The following SNTB1 variants were observed in gnomAD, a reference collection of about 807,000 sequenced individuals.
SNTB1 encodes the protein beta-1-syntrophin.
Under a neutral mutation model 48.9 loss-of-function variants are expected in SNTB1, and 36 were observed. The observed-to-expected ratio is 0.74, with a 90% confidence interval of 0.56 to 0.97. The LOEUF (loss-of-function observed/expected upper bound fraction) is 0.97, where lower values mean the gene tolerates loss of function less well. SNTB1 is among the 50% of genes least tolerant of loss of function. SNTB1 has a pLI of 0.00. For missense variants in SNTB1, 786 were observed against 703.4 expected (o/e 1.12, Z -1.33); for synonymous variants, 299 against 294.6 (o/e 1.01, Z -0.15).
chr8:120,587,565 A>G (rs1325221014), intron 3 of SNTB1, among the ~76,000 whole-genome samples: 1 of 152,206 alleles, frequency 6.6e-6, no homozygotes, highest in East Asian at 1.9e-4. Flanking sequence ...AGTGGTGTTC[A>G]ACAGATTCTT....
intron 1 of SNTB1, among the ~76,000 whole-genome samples, chr8:120,724,827 G>T (rs993897546): frequency 1.3e-5 from 2 of 152,164 alleles, no homozygotes; most frequent in Admixed American, 1.3e-4. Context: ...ACTTAGAGGG[G>T]CCATGGAAGA....
chr8:120,664,240 A>G (rs915822455), intron 2 of SNTB1, among the ~76,000 whole-genome samples: 1 of 152,208 alleles, frequency 6.6e-6, no homozygotes, highest in African/African-American at 2.4e-5. Flanking sequence ...CAGGTGGAGA[A>G]TGAAGAGTGG....
intron 1 of SNTB1, among the ~76,000 whole-genome samples, chr8:120,724,674 A>G (rs1174216160): frequency 6.6e-6 from 1 of 152,196 alleles, no homozygotes; most frequent in African/African-American, 2.4e-5. Context: ...TGAAATGGAA[A>G]GCCAGATAAG....
intron 1 of SNTB1, among the ~76,000 whole-genome samples, chr8:120,711,822 T>C (rs551622339): frequency 1.3e-5 from 2 of 152,310 alleles, no homozygotes; most frequent in East Asian, 3.9e-4. Context: ...AAACAAACTT[T>C]TATCTTTAGA....
intron 1 of SNTB1, among the ~76,000 whole-genome samples, chr8:120,760,034 A>G (rs1219395258): frequency 6.6e-6 from 1 of 152,198 alleles, no homozygotes; most frequent in Non-Finnish European, 1.5e-5. Flanking sequence ...CAAATACTCA[A>G]TCTGCCATAG....
chr8:120,676,819 G>A (rs1285739234), intron 2 of SNTB1, among the ~76,000 whole-genome samples: 1 of 152,170 alleles, frequency 6.6e-6, no homozygotes, highest in Admixed American at 6.5e-5. Context: ...ATTTTGGGAG[G>A]CTGAGGTAGG....
intron 1 of SNTB1, among the ~76,000 whole-genome samples, chr8:120,722,919 A>G (rs1235651042): frequency 6.6e-6 from 1 of 152,202 alleles, no homozygotes; most frequent in East Asian, 1.9e-4. Context: ...TAATTTTTGT[A>G]TAAGGTGTAA....
At chr8:120,781,627 C>T (rs568255019) in intron 1 of SNTB1, among the ~76,000 whole-genome samples, 6 of 152,280 alleles carry the variant, frequency 3.9e-5, no homozygotes, top group African/African-American at 7.2e-5. Context: ...CCCAGCATTC[C>T]TACTAGGTCT....
intron 1 of SNTB1, among the ~76,000 whole-genome samples, chr8:120,784,805 G>C (rs116682340): frequency 0.026 from 3,915 of 152,258 alleles, 178 homozygotes; most frequent in African/African-American, 0.09. Flanking sequence ...AAGAAAAACG[G>C]AAAGAAATTG....
chr8:120,772,493 C>T (rs1168061727), intron 1 of SNTB1, among the ~76,000 whole-genome samples: 1 of 152,154 alleles, frequency 6.6e-6, no homozygotes, highest in African/African-American at 2.4e-5. Flanking sequence ...GTGATCCACC[C>T]ACCTAGGCCT....
intron 4 of SNTB1, among the ~76,000 whole-genome samples, chr8:120,571,792 C>T (rs566554803): frequency 1.3e-5 from 2 of 152,130 alleles, no homozygotes; most frequent in Non-Finnish European, 2.9e-5. Flanking sequence ...AGCCAGCATA[C>T]CCGGCCATGA....
intron 2 of SNTB1, among the ~76,000 whole-genome samples, chr8:120,653,965 G>A (rs749555361): frequency 2.1e-5 from 3 of 141,368 alleles, no homozygotes; most frequent in Admixed American, 7.8e-5. Context: ...GCGTGAACCC[G>A]GAAAGCGGAG....
chr8:120,716,139 T>TAAC (rs1325017563), intron 1 of SNTB1, among the ~76,000 whole-genome samples: 1 of 152,204 alleles, frequency 6.6e-6, no homozygotes, highest in African/African-American at 2.4e-5. Flanking sequence ...GAGCCCATAG[T>TAAC]TGGTAGTCAA....
chr8:120,712,575 T>A (rs147326326), intron 1 of SNTB1, among the ~76,000 whole-genome samples: 1 of 152,166 alleles, frequency 6.6e-6, no homozygotes, highest in Non-Finnish European at 1.5e-5. Context: ...TATATGATGA[T>A]AAATTAATTA....
chr8:120,688,070 C>T (rs1049496997), intron 2 of SNTB1, among the ~76,000 whole-genome samples: 68 of 152,310 alleles, frequency 4.5e-4, no homozygotes, highest in African/African-American at 1.6e-3. Context: ...GAAACCAAGA[C>T]AGCACTTTCT....
intron 3 of SNTB1, among the ~76,000 whole-genome samples, chr8:120,614,955 A>G (rs1162440050): frequency 1.4e-5 from 2 of 138,194 alleles, no homozygotes; most frequent in Non-Finnish European, 3.0e-5. Context: ...CCTGGCCAAC[A>G]TGGTGAAATC....
Position 120,546,313 on chromosome 8 carries a change from A to G in SNTB1, c.1333+2449T>C, listed in dbSNP as rs578170042. ...TGTCTTAGATTTCAGGATCAAGAACAATAACATTACAGACATTGTTAATTG... is the reference window on the plus strand; with the variant it reads ...TGTCTTAGATTTCAGGATCAAGAACGATAACATTACAGACATTGTTAATTG... On this transcript the variant is annotated intron_variant, in intron 5 of 6. Coordinates refer to ENST00000517992, the MANE Select transcript of SNTB1 (RefSeq NM_021021.4). 4.0e-4 allele frequency among the ~76,000 whole-genome samples: 61 copies of G among 152,318 alleles called. 2 individuals are homozygous for G. In the South Asian group the frequency reaches 0.012, roughly 30 times the overall value.
At chr8:120,712,192 T>A (rs2129920782) in intron 1 of SNTB1, among the ~76,000 whole-genome samples, 1 of 152,112 alleles carries the variant, frequency 6.6e-6, no homozygotes, top group South Asian at 2.1e-4. Context: ...GCCAGGCGGA[T>A]CAATGAGGTC....
intron 5 of SNTB1, 47 bp from the exon 6 acceptor site, chr8:120,542,047 A>G: frequency 6.7e-7 from 1 of 1,494,944 alleles, no homozygotes; most frequent in South Asian, 1.3e-5. Context: ...AACCATGGCA[A>G]TCAATCCATT....
Sources: allele counts gnomAD v4.1 joint callset (sites outside exome capture counted in the v4.1 genomes callset), GRCh38; gene constraint gnomAD v4.1.1; transcripts MANE v1.5; gene names NCBI Gene and HGNC (gene_info 2026-07-23, HGNC 2026-07-21).